Variants in GABRA3 observed in about 807,000 individuals in gnomAD.
GABRA3 encodes gamma-aminobutyric acid receptor subunit alpha-3.
In GABRA3, 10 loss-of-function variants were observed where a neutral mutation model predicts 30.1. The ratio of observed to expected loss-of-function variants is 0.33; its 90% confidence interval spans 0.20 to 0.56. GABRA3 has a LOEUF of 0.56. GABRA3 is among the 20% of genes least tolerant of loss of function. The pLI is 0.89. For missense variants in GABRA3, 233 were observed against 392.0 expected (o/e 0.59, Z 3.42); for synonymous variants, 151 against 146.8 (o/e 1.03, Z -0.21).
At chrX:152,444,894 T>G (rs1282002224) in intron 1 of GABRA3, among the ~76,000 whole-genome samples, 1 of 94,718 alleles carries the variant, frequency 1.1e-5, no homozygotes, top group Non-Finnish European at 2.1e-5. Context: ...ACCCCGTCTC[T>G]ACTAAAAATA....
chrX:152,272,265 G>A (rs1211913004), intron 4 of GABRA3, among the ~76,000 whole-genome samples: 1 of 112,455 alleles, frequency 8.9e-6, no homozygotes, highest in African/African-American at 3.2e-5. Context: ...GGGTGGAGAT[G>A]CCCAAGGCTG....
intron 3 of GABRA3, among the ~76,000 whole-genome samples, chrX:152,327,135 T>G (rs1028402581): frequency 1.4e-4 from 15 of 110,187 alleles, no homozygotes; most frequent in African/African-American, 5.0e-4. Context: ...AGGGACCAAT[T>G]CAACAAGAAG....
chrX:152,252,780 C>T (rs971256118), intron 5 of GABRA3, among the ~76,000 whole-genome samples: 3 of 111,219 alleles, frequency 2.7e-5, no homozygotes, highest in Admixed American at 9.6e-5. Flanking sequence ...GGGACCCACT[C>T]GCTTCTATGT....
At chrX:152,359,440 T>G (rs140709011) in intron 2 of GABRA3, among the ~76,000 whole-genome samples, 2,241 of 111,753 alleles carry the variant, frequency 0.02, 53 homozygotes, top group African/African-American at 0.069. Flanking sequence ...TATTTGGATC[T>G]TCTCTTTTTT....
intron 4 of GABRA3, among the ~76,000 whole-genome samples, chrX:152,276,178 T>C (rs1010142863): frequency 8.1e-5 from 9 of 111,459 alleles, no homozygotes; most frequent in African/African-American, 2.9e-4. Context: ...GAAACAAGGT[T>C]GCCTAGAGTT....
At chrX:152,402,438 C>T (rs1366943523) in intron 1 of GABRA3, among the ~76,000 whole-genome samples, 2 of 111,707 alleles carry the variant, frequency 1.8e-5, no homozygotes, top group African/African-American at 3.3e-5. Context: ...TTAAATTAGC[C>T]GTAAGTTTTG....
chrX:152,411,964 A>T (rs761544805), intron 1 of GABRA3, among the ~76,000 whole-genome samples: 1 of 111,842 alleles, frequency 8.9e-6, no homozygotes, highest in South Asian at 3.7e-4. Context: ...TTAAAAAAAG[A>T]ATCACATAAA....
At chrX:152,210,847 T>C (rs761782136) in intron 6 of GABRA3, among the ~76,000 whole-genome samples, 64 of 111,190 alleles carry the variant, frequency 5.8e-4, no homozygotes, top group African/African-American at 2.1e-3. Context: ...CTCAGCTTGA[T>C]TTGTGGACCT....
intron 1 of GABRA3, among the ~76,000 whole-genome samples, chrX:152,406,982 T>A (rs1275622804): frequency 8.9e-6 from 1 of 112,169 alleles, no homozygotes; most frequent in Non-Finnish European, 1.9e-5. Context: ...AAATTAAATA[T>A]GTTCCTGAAT....
At chrX:152,422,305 A>C (rs1218441179) in intron 1 of GABRA3, among the ~76,000 whole-genome samples, 4 of 111,501 alleles carry the variant, frequency 3.6e-5, no homozygotes, top group Non-Finnish European at 5.7e-5. Flanking sequence ...GAAAGTACAT[A>C]CTGGAGTATA....
chrX:152,349,241 G>GA (rs1569404314), intron 2 of GABRA3, among the ~76,000 whole-genome samples: 2 of 110,204 alleles, frequency 1.8e-5, no homozygotes, highest in African/African-American at 6.6e-5. Flanking sequence ...ATCCCTTCAA[G>GA]TTTTTTCACG....
chrX:152,369,435 T>A (rs1928764692), intron 1 of GABRA3, among the ~76,000 whole-genome samples: 1 of 110,918 alleles, frequency 9.0e-6, no homozygotes, highest in African/African-American at 3.3e-5. Flanking sequence ...GCTAGTCTCA[T>A]CCCCTACTAC....
chrX:152,383,670 A>T (rs1455778047), intron 1 of GABRA3, among the ~76,000 whole-genome samples: 4 of 107,912 alleles, frequency 3.7e-5, no homozygotes, highest in Non-Finnish European at 7.7e-5. Context: ...AGAATGTGAC[A>T]AAATTCAACA....
At chrX:152,241,995 G>A (rs1019685469) in intron 5 of GABRA3, among the ~76,000 whole-genome samples, 1 of 111,700 alleles carries the variant, frequency 9.0e-6, no homozygotes, top group Non-Finnish European at 1.9e-5. Flanking sequence ...GCTGTAGACC[G>A]GAGCTGTTCC....
intron 1 of GABRA3, among the ~76,000 whole-genome samples, chrX:152,367,054 C>T (rs188686410): frequency 4.5e-5 from 5 of 110,919 alleles, no homozygotes; most frequent in East Asian, 5.6e-4. Flanking sequence ...ACAAATATAA[C>T]GCACATATCC....
chrX:152,428,941 A>C (rs916364278), intron 1 of GABRA3, among the ~76,000 whole-genome samples: 1 of 111,700 alleles, frequency 9.0e-6, no homozygotes, highest in Admixed American at 9.5e-5. Context: ...TGAAGAATGC[A>C]CTTAATGGGT....
At chrX:152,345,452 G>T in intron 3 of GABRA3, 129 bp downstream of exon 3, 1 of 684,548 alleles carries the variant, frequency 1.5e-6, no homozygotes, top group Non-Finnish European at 2.1e-6. Flanking sequence ...GTGCTCATAG[G>T]GAAGAAATTC....
intron 9 of GABRA3, chrX:152,186,802 T>C (rs1937261760): frequency 9.1e-6 from 1 of 110,232 alleles, no homozygotes; most frequent in Non-Finnish European, 1.9e-5. Context: ...TTAATTTTTT[T>C]TGTAGAGACG....
chrX:152,443,765 T>C (rs1356085813), intron 1 of GABRA3, among the ~76,000 whole-genome samples: 1 of 111,755 alleles, frequency 8.9e-6, no homozygotes, highest in Non-Finnish European at 1.9e-5. Flanking sequence ...ATGTGACATT[T>C]GAATAAAGAC....
Sources: gnomAD v4.1 joint callset for allele counts (sites outside exome capture counted in the v4.1 genomes callset) on GRCh38, gnomAD v4.1.1 for gene constraint, MANE v1.5 for transcripts, NCBI Gene and HGNC (gene_info 2026-07-23, HGNC 2026-07-21) for gene names.